SLCO6A1: variants seen among roughly 807,000 people sequenced by gnomAD.
SLCO6A1 encodes the protein cancer/testis antigen 48.
In SLCO6A1, 65 loss-of-function variants were observed where a neutral mutation model predicts 72.7. The ratio of observed to expected loss-of-function variants is 0.89; its 90% confidence interval spans 0.73 to 1.10. The LOEUF is 1.10. Among genes scored for constraint, SLCO6A1 ranks in the 50% least tolerant of loss-of-function variants. SLCO6A1 has a pLI of 0.00. For missense variants in SLCO6A1, 874 were observed against 872.6 expected, an observed-to-expected ratio of 1.00 and a Z score of -0.02; for synonymous variants, 314 against 298.2, an observed-to-expected ratio of 1.05 and a Z score of -0.55.
At chr5:102,372,987 A>G (rs1750705228) in intron 13 of SLCO6A1, among the ~76,000 whole-genome samples, 1 of 151,882 alleles carries the variant, frequency 6.6e-6, no homozygotes, top group African/African-American at 2.4e-5. Flanking sequence ...CTACTGCCCA[A>G]ATCAAAAGTA....
chr5:102,431,562 G>C (rs920069752), intron 7 of SLCO6A1, among the ~76,000 whole-genome samples: 1 of 152,056 alleles, frequency 6.6e-6, no homozygotes, highest in Non-Finnish European at 1.5e-5. Context: ...AATTAGTCTT[G>C]ATTTCTATTT....
rs549890153 is a variant in SLCO6A1, at chr5:102,396,012, GT to G, written c.1814+3542del. 1.0e-3 allele frequency among the ~76,000 whole-genome samples: 157 copies of G among 152,072 alleles called. 1 individual carries two copies. The highest frequency in any genetic ancestry group is 3.5e-3 in the African/African-American group (144 of 41,488). ...AGGTTGCCTGTTCACTCTGATGGTAGTTTCTTTTGCTGTGCAGAAGCTCTTT... is the reference window on the plus strand; with the variant it reads ...AGGTTGCCTGTTCACTCTGATGGTAGTTCTTTTGCTGTGCAGAAGCTCTTT... On this transcript the variant is annotated intron_variant, in intron 10 of 13. Transcript: ENST00000506729.
At chr5:102,434,082 A>G (rs1749371879) in intron 7 of SLCO6A1, among the ~76,000 whole-genome samples, 1 of 151,936 alleles carries the variant, frequency 6.6e-6, no homozygotes, top group South Asian at 2.1e-4. Context: ...TAGACTATTT[A>G]TATTTAACAT....
chr5:102,425,173 T>C (rs903529293), intron 7 of SLCO6A1, among the ~76,000 whole-genome samples: 3 of 152,090 alleles, frequency 2.0e-5, no homozygotes, highest in East Asian at 3.9e-4. Flanking sequence ...ATACTGAATG[T>C]GCAAAAGCAG....
chr5:102,435,472 A>T (rs1749478869), intron 7 of SLCO6A1, among the ~76,000 whole-genome samples: 1 of 152,212 alleles, frequency 6.6e-6, no homozygotes, highest in Admixed American at 6.5e-5. Flanking sequence ...TAACAGAAAC[A>T]ATGTAGAATC....
At chr5:102,473,956 T>C (rs1042473227) in intron 4 of SLCO6A1, among the ~76,000 whole-genome samples, 2 of 151,946 alleles carry the variant, frequency 1.3e-5, no homozygotes, top group Admixed American at 6.6e-5. Context: ...GGATTGAACA[T>C]GATAATTAAT....
At position 102,462,904 on chromosome 5, in the gene SLCO6A1, T is replaced by TA. The variant is rs565007190; in HGVS notation, c.900-3128dup. Among the ~76,000 whole-genome samples, 318 of 152,048 alleles carry TA rather than the reference T, an allele frequency of 2.1e-3. 3 individuals are homozygous for TA. The highest frequency in any genetic ancestry group is 7.3e-3 in the African/African-American group (302 of 41,532). On this transcript the variant is annotated intron_variant, in intron 4 of 13. Coordinates refer to ENST00000506729, the MANE Select transcript of SLCO6A1 (RefSeq NM_173488.5). ...TGAACAAGAATCCCAAAGCAAATCC[T>TA]AAAGCAAAAATAAAGATGAGACCTA...
intron 12 of SLCO6A1, among the ~76,000 whole-genome samples, chr5:102,376,686 T>C (rs1019454955): frequency 5.3e-5 from 8 of 152,190 alleles, no homozygotes; most frequent in Non-Finnish European, 8.8e-5. Context: ...TAATTGATAT[T>C]ATCAAAAGAC....
Position 102,426,508 on chromosome 5 carries a change from A to T in SLCO6A1, c.1277-6487T>A, listed in dbSNP as rs187609790. Among the ~76,000 whole-genome samples, 844 of 152,326 alleles carry T rather than the reference A, an allele frequency of 5.5e-3. 1 individual carries two copies. The highest frequency in any genetic ancestry group is 8.9e-3 in the Non-Finnish European group (603 of 68,024). On this transcript the variant is annotated intron_variant, in intron 7 of 13. Transcript: ENST00000506729. ...GAAGACATTTATGTGGTCAACAAAG[A>T]CATGAAAAAAAGCTCATCATCACTG... is the stretch of plus-strand genomic sequence containing the variant.
intron 11 of SLCO6A1, 102 bp downstream of exon 11, chr5:102,390,879 T>C (rs1292973245): frequency 1.0e-6 from 1 of 986,332 alleles, no homozygotes; most frequent in African/African-American, 1.7e-5. Flanking sequence ...ACTCGCTTTG[T>C]GTCATTTACT....
At position 102,413,101 on chromosome 5, in the gene SLCO6A1, T is replaced by G; in HGVS notation, c.1515A>C (p.Lys505Asn). The change falls in exon 9 of 14, where the codon AAA (lysine) becomes AAC (asparagine). Residue 505 changes from lysine to asparagine, a missense_variant. Coordinates refer to ENST00000506729, the MANE Select transcript of SLCO6A1 (RefSeq NM_173488.5). Reference protein sequence around the residue: ...LGNLTAPCNEKCRCSSSIYSS... With the variant: ...LGNLTAPCNENCRCSSSIYSS... ...AATAAATTGAAGATGAGCATCTACA[T>G]TTTTCATTGCAAGGAGCCGTGAGGT... 6.4e-7 allele frequency: 1 copy of G among 1,568,028 alleles called. No homozygotes were observed. The highest frequency in any genetic ancestry group is 8.6e-7 in the Non-Finnish European group (1 of 1,163,788).
At chr5:102,409,803 A>C (rs923259472) in intron 9 of SLCO6A1, among the ~76,000 whole-genome samples, 4 of 152,212 alleles carry the variant, frequency 2.6e-5, no homozygotes, top group Non-Finnish European at 5.9e-5. Flanking sequence ...GTTTCATGAA[A>C]TAAATAAAGT....
chr5:102,443,025 A>G (rs556473944), intron 6 of SLCO6A1, among the ~76,000 whole-genome samples: 7 of 152,236 alleles, frequency 4.6e-5, no homozygotes, highest in South Asian at 4.1e-4. Context: ...GTGAAACCCT[A>G]TCTCTACTAA....
chr5:102,427,145 TAAG>T lies in SLCO6A1; in HGVS notation c.1277-7127_1277-7125del, dbSNP rs577432124. ...GATAAAAAAGTGAATAAAATATAAA[TAAG>T]AAACCTGGATATTAAAAAATATAAT... On this transcript the variant is annotated intron_variant, in intron 7 of 13. Coordinates refer to ENST00000506729, the MANE Select transcript of SLCO6A1 (RefSeq NM_173488.5). 2.1e-3 allele frequency among the ~76,000 whole-genome samples: 316 copies of T among 152,034 alleles called. 3 individuals carry two copies. Among genetic ancestry groups the T allele is most frequent in the African/African-American group, 7.2e-3 (300 of 41,506 alleles).
chr5:102,374,867 C>G (rs553017984), intron 12 of SLCO6A1, among the ~76,000 whole-genome samples: 4 of 152,076 alleles, frequency 2.6e-5, no homozygotes, highest in Non-Finnish European at 4.4e-5. Flanking sequence ...TTGCAGCAGG[C>G]AAATTATCTG....
At chr5:102,481,682 T>C (rs1169618562) in intron 1 of SLCO6A1, among the ~76,000 whole-genome samples, 1 of 152,204 alleles carries the variant, frequency 6.6e-6, no homozygotes, top group Non-Finnish European at 1.5e-5. Context: ...ATCAAATAAG[T>C]AGCAATATCA....
chr5:102,382,389 T>C (rs947561288), intron 12 of SLCO6A1, among the ~76,000 whole-genome samples: 2 of 151,834 alleles, frequency 1.3e-5, no homozygotes, highest in Non-Finnish European at 3.0e-5. Flanking sequence ...TATAGCTTTG[T>C]AGTATATGTT....
intron 10 of SLCO6A1, among the ~76,000 whole-genome samples, chr5:102,397,447 CT>C: frequency 6.6e-6 from 1 of 152,282 alleles, no homozygotes; most frequent in East Asian, 1.9e-4. Flanking sequence ...AGAGCTTTTA[CT>C]GCCAGCCCAG....
chr5:102,470,817 T>A (rs752074304), intron 4 of SLCO6A1, among the ~76,000 whole-genome samples: 29 of 152,080 alleles, frequency 1.9e-4, no homozygotes, highest in Non-Finnish European at 2.8e-4. Context: ...ATATGACTTG[T>A]CTTAAGGCCT....
Sources: allele counts gnomAD v4.1 joint callset (sites outside exome capture counted in the v4.1 genomes callset), GRCh38; gene constraint gnomAD v4.1.1; transcripts MANE v1.5; gene names NCBI Gene and HGNC (gene_info 2026-07-23, HGNC 2026-07-21).